The following NLGN1 variants were observed in gnomAD, a reference collection of about 807,000 sequenced individuals.
NLGN1 encodes neuroligin-1.
A neutral mutation model predicts 65.5 loss-of-function variants in NLGN1; 12 were observed. The ratio of observed to expected loss-of-function variants is 0.18; its 90% CI spans 0.12 to 0.30. NLGN1 has a LOEUF of 0.30. Among genes scored for constraint, NLGN1 ranks in the 10% least tolerant of loss-of-function variants. NLGN1 has a pLI of 1.00. For missense variants in NLGN1, 750 were observed against 1,007.1 expected (o/e 0.74, Z 3.46); for synonymous variants, 350 against 359.5 (o/e 0.97, Z 0.30).
chr3:173,597,801 T>G (rs1242033525), intron 2 of NLGN1, among the ~76,000 whole-genome samples: 1 of 51,064 alleles, frequency 2.0e-5, no homozygotes, highest in African/African-American at 3.7e-5. Context: ...TAAAATGTCT[T>G]ATAAATACTG....
At chr3:173,396,819 C>G (rs1015946127), upstream of NLGN1, 1 of 152,338 alleles carries the variant, frequency 6.6e-6, no homozygotes, top group Non-Finnish European at 1.5e-5. Context: ...TCTCTGCTCT[C>G]TCTCTTCTGT....
At chr3:174,290,953 A>G (rs1752699905), downstream of NLGN1, among the ~76,000 whole-genome samples, 1 of 151,052 alleles carries the variant, frequency 6.6e-6, no homozygotes, top group African/African-American at 2.4e-5. Flanking sequence ...AACCTATGAA[A>G]TAGCAACATA....
intron 4 of NLGN1, among the ~76,000 whole-genome samples, chr3:173,838,410 A>T (rs1261420042): frequency 6.6e-6 from 1 of 152,178 alleles, no homozygotes; most frequent in Non-Finnish European, 1.5e-5. Context: ...GGAAATTAAC[A>T]TTGAACCTCT....
chr3:174,038,308 A>T (rs2152485040), intron 4 of NLGN1, among the ~76,000 whole-genome samples: 1 of 152,304 alleles, frequency 6.6e-6, no homozygotes, highest in Non-Finnish European at 1.5e-5. Context: ...ACCAACAGAC[A>T]GCCTTTTCTA....
intron 2 of NLGN1, among the ~76,000 whole-genome samples, chr3:173,601,557 A>G (rs891014741): frequency 3.3e-5 from 5 of 152,028 alleles, no homozygotes; most frequent in Non-Finnish European, 7.4e-5. Flanking sequence ...TGAGATTTAT[A>G]TATGTTGATA....
intron 2 of NLGN1, among the ~76,000 whole-genome samples, chr3:173,525,520 A>G (rs914994941): frequency 2.0e-5 from 3 of 151,932 alleles, no homozygotes; most frequent in African/African-American, 4.8e-5. Context: ...CTTGGTTAAC[A>G]TAGAAATTTA....
intron 4 of NLGN1, among the ~76,000 whole-genome samples, chr3:174,128,416 A>AT (rs1719421079): frequency 6.6e-6 from 1 of 152,214 alleles, no homozygotes; most frequent in South Asian, 2.1e-4. Context: ...TAAGAATTAA[A>AT]TTTTAACGTT....
intron 3 of NLGN1, 29 bp downstream of exon 2, chr3:173,605,120 A>T: frequency 6.6e-7 from 1 of 1,508,442 alleles, no homozygotes; most frequent in Non-Finnish European, 8.9e-7. Flanking sequence ...AAACAGGGAG[A>T]TATATTTATA....
chr3:173,647,489 A>C (rs148832984), intron 3 of NLGN1, among the ~76,000 whole-genome samples: 321 of 152,246 alleles, frequency 2.1e-3, no homozygotes, highest in African/African-American at 7.5e-3. Flanking sequence ...AAGTCATGCA[A>C]AATGTGTTTT....
At chr3:174,190,124 A>T (rs1732120994) in intron 4 of NLGN1, among the ~76,000 whole-genome samples, 1 of 152,108 alleles carries the variant, frequency 6.6e-6, no homozygotes, top group Non-Finnish European at 1.5e-5. Context: ...GAGTTATTAT[A>T]TGACTTAGCA....
intron 4 of NLGN1, among the ~76,000 whole-genome samples, chr3:174,092,892 A>T (rs1014558672): frequency 1.3e-5 from 2 of 152,106 alleles, no homozygotes; most frequent in African/African-American, 2.4e-5. Flanking sequence ...CTTTCCCCCA[A>T]TGTTTCATTC....
intron 4 of NLGN1, among the ~76,000 whole-genome samples, chr3:173,944,026 G>A (rs1283838688): frequency 6.6e-6 from 1 of 152,026 alleles, no homozygotes; most frequent in Non-Finnish European, 1.5e-5. Flanking sequence ...AAATGTGCCA[G>A]CCAATATTAG....
At chr3:174,051,316 A>G (rs192650625) in intron 4 of NLGN1, among the ~76,000 whole-genome samples, 33 of 152,146 alleles carry the variant, frequency 2.2e-4, no homozygotes, top group Admixed American at 1.0e-3. Context: ...AGTTTAAGAG[A>G]GAGGCCAAGT....
intron 3 of NLGN1, among the ~76,000 whole-genome samples, chr3:173,679,735 G>A (rs1308905312): frequency 5.9e-5 from 9 of 152,106 alleles, no homozygotes; most frequent in East Asian, 1.9e-4. Flanking sequence ...GAACTTTGAA[G>A]TAAGATGCCA....
intron 4 of NLGN1, among the ~76,000 whole-genome samples, chr3:174,056,618 T>G (rs57131427): frequency 0.037 from 5,684 of 152,078 alleles, 337 homozygotes; most frequent in African/African-American, 0.13. Context: ...ATAATGGGAT[T>G]TTTATAGTCA....
At chr3:173,637,575 ATT>A (rs1303357913) in intron 3 of NLGN1, among the ~76,000 whole-genome samples, 1 of 152,140 alleles carries the variant, frequency 6.6e-6, no homozygotes, top group African/African-American at 2.4e-5. Flanking sequence ...TGAGAATTTG[ATT>A]TGTATGACTC....
At chr3:173,834,920 G>A (rs950288048) in intron 4 of NLGN1, among the ~76,000 whole-genome samples, 13 of 152,148 alleles carry the variant, frequency 8.5e-5, no homozygotes, top group Non-Finnish European at 1.6e-4. Flanking sequence ...AAGAAGAGGC[G>A]TAATCTCTAC....
chr3:173,974,251 A>G (rs1435499822), intron 4 of NLGN1, among the ~76,000 whole-genome samples: 1 of 151,520 alleles, frequency 6.6e-6, no homozygotes, highest in Non-Finnish European at 1.5e-5. Context: ...AGGTTTTGTT[A>G]TTCTGGAGTA....
At chr3:173,943,913 G>GCAA (rs1000894628) in intron 4 of NLGN1, among the ~76,000 whole-genome samples, 1 of 152,104 alleles carries the variant, frequency 6.6e-6, no homozygotes, top group Non-Finnish European at 1.5e-5. Context: ...CAGAGAAAAA[G>GCAA]CAATCATTTC....
Sources: allele counts gnomAD v4.1 joint callset (sites outside exome capture counted in the v4.1 genomes callset), GRCh38; gene constraint gnomAD v4.1.1; transcripts MANE v1.5; gene names NCBI Gene and HGNC (gene_info 2026-07-23, HGNC 2026-07-21).